Variants in PCDH15 observed in about 807,000 individuals in gnomAD.
The protein encoded by PCDH15 is protocadherin-15.
A neutral mutation model predicts 178.5 loss-of-function variants in PCDH15; 129 were observed. That is an observed-to-expected ratio of 0.72 (90% CI 0.63 to 0.84). PCDH15 has a LOEUF of 0.84. Among genes scored for constraint, PCDH15 ranks in the 40% least tolerant of loss-of-function variants. PCDH15 has a pLI of 0.00. For missense variants in PCDH15, 2,230 were observed against 2,099.9 expected, an observed-to-expected ratio of 1.06 and a Z score of -1.21; for synonymous variants, 800 against 732.0, an observed-to-expected ratio of 1.09 and a Z score of -1.50.
intron 26 of PCDH15, among the ~76,000 whole-genome samples, chr10:53,889,547 AT>A (rs1203239289): frequency 4.6e-5 from 7 of 151,820 alleles, no homozygotes; most frequent in African/African-American, 1.5e-4. Context: ...AAAAAAAAAA[AT>A]CAGACAAAAT....
intron 2 of PCDH15, among the ~76,000 whole-genome samples, chr10:55,543,908 T>C (rs1386150038): frequency 6.6e-6 from 1 of 151,346 alleles, no homozygotes. Flanking sequence ...ATTTCCTCAA[T>C]ATGAACTATT....
Position 55,288,887 on chromosome 10 carries a change from A to C in PCDH15, c.-156+30712T>G, listed in dbSNP as rs1211695341. 1.1e-4 allele frequency among the ~76,000 whole-genome samples: 16 copies of C among 151,612 alleles called. 1 individual carries two copies. The highest frequency in any genetic ancestry group is 4.2e-4 in the South Asian group (2 of 4,804). On this transcript the variant is annotated intron_variant, in intron 1 of 5. Coordinates refer to the PCDH15 transcript ENST00000458638. Reference sequence around the variant, plus strand: ...TTCTATTAGATATATATATATATATATCTAGAACTTGGATTGGTGGATTAT... The same window carrying C: ...TTCTATTAGATATATATATATATATCTCTAGAACTTGGATTGGTGGATTAT...
chr10:55,486,059 C>G (rs1156913719), intron 2 of PCDH15, among the ~76,000 whole-genome samples: 2 of 151,690 alleles, frequency 1.3e-5, no homozygotes, highest in Admixed American at 1.3e-4. Flanking sequence ...ACTGGGAGGG[C>G]ACTCCTGGAA....
At chr10:54,440,735 T>C (rs1281262589) in intron 3 of PCDH15, among the ~76,000 whole-genome samples, 1 of 151,934 alleles carries the variant, frequency 6.6e-6, no homozygotes, top group African/African-American at 2.4e-5. Flanking sequence ...TACCTATTTA[T>C]TACACAATAC....
intron 3 of PCDH15, among the ~76,000 whole-genome samples, chr10:54,427,660 A>G (rs1956455493): frequency 6.6e-6 from 1 of 152,154 alleles, no homozygotes; most frequent in South Asian, 2.1e-4. Flanking sequence ...ATTTTTTGTA[A>G]TAGATGTCTC....
chr10:55,154,930 C>A (rs2589438), intron 2 of PCDH15, among the ~76,000 whole-genome samples: 1 of 152,072 alleles, frequency 6.6e-6, no homozygotes, highest in South Asian at 2.1e-4. Flanking sequence ...ATTCACACCC[C>A]TGACATACTT....
At chr10:54,118,385 G>T (rs1304618666) in intron 15 of PCDH15, among the ~76,000 whole-genome samples, 1 of 152,206 alleles carries the variant, frequency 6.6e-6, no homozygotes, top group Non-Finnish European at 1.5e-5. Context: ...ACCCGGCTGG[G>T]TGTGGTGGCT....
At chr10:55,392,974 AGT>A in intron 2 of PCDH15, among the ~76,000 whole-genome samples, 1 of 133,638 alleles carries the variant, frequency 7.5e-6, no homozygotes, top group Non-Finnish European at 1.6e-5. Flanking sequence ...TAAGAACTAA[AGT>A]GTATGTGTGT....
chr10:55,577,103 C>T (rs1842511124), intron 2 of PCDH15, among the ~76,000 whole-genome samples: 1 of 151,756 alleles, frequency 6.6e-6, no homozygotes, highest in Non-Finnish European at 1.5e-5. Flanking sequence ...TTAGCTGGGC[C>T]TGGTGTTGCA....
chr10:55,341,438 A>T (rs1023779042), intron 2 of PCDH15, among the ~76,000 whole-genome samples: 2 of 152,054 alleles, frequency 1.3e-5, no homozygotes, highest in Admixed American at 1.3e-4. Context: ...GATAGTAATA[A>T]AAGTATTTAT....
intron 1 of PCDH15, among the ~76,000 whole-genome samples, chr10:54,738,945 C>T (rs1213999860): frequency 6.6e-6 from 1 of 151,970 alleles, no homozygotes; most frequent in African/African-American, 2.4e-5. Context: ...AACAAACCCA[C>T]AGCTAACATA....
At chr10:54,565,610 T>G (rs374318818) in intron 2 of PCDH15, among the ~76,000 whole-genome samples, 1 of 152,216 alleles carries the variant, frequency 6.6e-6, no homozygotes, top group African/African-American at 2.4e-5. Flanking sequence ...GGAAAGAGCA[T>G]GCTGTTACTT....
chr10:54,813,492 A>T lies in PCDH15; in HGVS notation c.-29+83958T>A, dbSNP rs146362458. Among the ~76,000 whole-genome samples, 485 of 152,310 alleles carry T rather than the reference A, an allele frequency of 3.2e-3. 1 individual carries two copies. The highest frequency in any genetic ancestry group is 0.011 in the African/African-American group (460 of 41,574). ...CCCCATCTATGCAGTTGCTGGAGTCAAAAATCTGAGAGCAGCTCTTTTTTT... is the reference window on the plus strand; with the variant it reads ...CCCCATCTATGCAGTTGCTGGAGTCTAAAATCTGAGAGCAGCTCTTTTTTT... On this transcript the variant is annotated intron_variant, in intron 3 of 5. Coordinates refer to the PCDH15 transcript ENST00000458638.
Position 55,071,773 on chromosome 10 carries a change from C to T in PCDH15, c.-80+94803G>A, listed in dbSNP as rs546879063. Among the ~76,000 whole-genome samples, 128 of 152,182 alleles carry T rather than the reference C, an allele frequency of 8.4e-4. No individual in the cohort carries two copies. In the Middle Eastern group the frequency reaches 0.01, roughly 12 times the overall value. On this transcript the variant is annotated intron_variant, in intron 2 of 5. Coordinates refer to the PCDH15 transcript ENST00000458638. ...TAATAGACATCTACAGAACTCTCCACCCCAAATCAAGAGAATATACATTTT... is the reference window on the plus strand; with the variant it reads ...TAATAGACATCTACAGAACTCTCCATCCCAAATCAAGAGAATATACATTTT...
At chr10:55,051,878 T>G (rs748614863) in intron 2 of PCDH15, among the ~76,000 whole-genome samples, 69 of 152,268 alleles carry the variant, frequency 4.5e-4, no homozygotes, top group Non-Finnish European at 5.7e-4. Flanking sequence ...GCTCCAGTGC[T>G]CATTTGGTTT....
rs547816831 is a variant in PCDH15, at chr10:55,088,076, A to C, written c.-80+78500T>G. Among the ~76,000 whole-genome samples, 17 of 152,238 alleles carry C rather than the reference A, an allele frequency of 1.1e-4. 1 individual carries two copies. In the South Asian group the frequency reaches 3.3e-3, roughly 30 times the overall value. ...TGTTTATATTATAAACCAAATATTA[A>C]TTGTCTGGCTTTCTTAATTCTAATA... On this transcript the variant is annotated intron_variant, in intron 2 of 5. Coordinates refer to the PCDH15 transcript ENST00000458638.
intron 3 of PCDH15, among the ~76,000 whole-genome samples, chr10:54,843,822 A>G (rs111612410): frequency 0.022 from 3,271 of 152,134 alleles, 60 homozygotes; most frequent in Middle Eastern, 0.048. Context: ...TACGGGGATC[A>G]GTGTTTTGAG....
rs188884725 is a variant in PCDH15, at chr10:53,987,769, C to T, written c.2868+7880G>A. Among the ~76,000 whole-genome samples, 11 of 152,200 alleles carry T rather than the reference C, an allele frequency of 7.2e-5. No homozygotes were observed. The East Asian group carries it at 1.9e-3, about 27-fold the overall frequency. On this transcript the variant is annotated intron_variant, in intron 21 of 37. Transcript: ENST00000644397. ...CTTCATTTAAATTTCATTGTCCTTA[C>T]CCTGTCTGCAAAGTTTTTCACCATT... is the stretch of plus-strand genomic sequence containing the variant.
intron 5 of PCDH15, among the ~76,000 whole-genome samples, chr10:54,358,990 A>G (rs943403152): frequency 2.3e-5 from 3 of 127,980 alleles, no homozygotes; most frequent in African/African-American, 8.9e-5. Flanking sequence ...GAAGGGGAAC[A>G]TCACACTCTG....
Sources: allele counts gnomAD v4.1 joint callset (sites outside exome capture counted in the v4.1 genomes callset), GRCh38; gene constraint gnomAD v4.1.1; transcripts MANE v1.5; gene names NCBI Gene and HGNC (gene_info 2026-07-23, HGNC 2026-07-21).